Variants in ADARB2 observed in about 807,000 individuals in gnomAD.
ADARB2 encodes the protein adenosine deaminase RNA specific B2 (inactive).
A neutral mutation model predicts 62.2 loss-of-function variants in ADARB2; 25 were observed. That is an observed-to-expected ratio of 0.40 (90% confidence interval 0.29 to 0.56). The LOEUF is 0.56. Ranked by LOEUF, ADARB2 falls within the 20% of genes least tolerant of loss-of-function variation. The probability of loss-of-function intolerance (pLI) is 0.43; values close to 1 mark genes in which losing one functional copy is unlikely to be tolerated. For synonymous variants in ADARB2, 572 were observed against 500.8 expected (o/e 1.14, Z -1.90); for missense variants, 1,071 against 1,077.4 (o/e 0.99, Z 0.08).
intron 1 of ADARB2, among the ~76,000 whole-genome samples, chr10:1,606,587 C>T (rs1433924528): frequency 6.6e-6 from 1 of 152,136 alleles, no homozygotes; most frequent in Non-Finnish European, 1.5e-5. Flanking sequence ...GCTAGAGTCC[C>T]ACAGGTGGTC....
intron 1 of ADARB2, among the ~76,000 whole-genome samples, chr10:1,602,958 GCACACA>G (rs146661194): frequency 6.0e-5 from 9 of 150,242 alleles, no homozygotes; most frequent in African/African-American, 2.2e-4. Flanking sequence ...GTACACACAT[GCACACA>G]CAGACACACA....
At chr10:1,383,709 G>T (rs1441689664) in intron 1 of ADARB2, among the ~76,000 whole-genome samples, 48 of 152,248 alleles carry the variant, frequency 3.2e-4, no homozygotes, top group Admixed American at 2.3e-3. Flanking sequence ...CTTTCTTGAT[G>T]TATTTATTCT....
At chr10:1,278,228 C>T (rs748083461) in intron 3 of ADARB2, among the ~76,000 whole-genome samples, 22 of 152,012 alleles carry the variant, frequency 1.4e-4, no homozygotes, top group Non-Finnish European at 2.6e-4. Context: ...GATCCTCCCG[C>T]CTTGGCCTCC....
intron 4 of ADARB2, among the ~76,000 whole-genome samples, chr10:1,246,982 ATTTG>A (rs1357074209): frequency 6.6e-6 from 1 of 152,050 alleles, no homozygotes; most frequent in East Asian, 1.9e-4. Context: ...ATGTTCTTCC[ATTTG>A]TTTGTATCCT....
In ADARB2 at chr10:1,399,334, G is replaced by A. The variant is rs376983815; in HGVS notation, c.101-20174C>T. On this transcript the variant is annotated intron_variant, in intron 1 of 9. Coordinates refer to ENST00000381312, the MANE Select transcript of ADARB2 (RefSeq NM_018702.4). ...TGAAGAGGGATGGTGTTTTGGGCCC[G>A]TGATGGGTGACGCCACCCCAGATTT... 1.4e-3 allele frequency among the ~76,000 whole-genome samples: 208 copies of A among 152,310 alleles called. 2 individuals are homozygous for A. In the South Asian group the frequency reaches 0.041, roughly 30 times the overall value.
At chr10:1,302,251 CAAAG>C (rs999788271) in intron 3 of ADARB2, among the ~76,000 whole-genome samples, 1 of 152,342 alleles carries the variant, frequency 6.6e-6, no homozygotes, top group Admixed American at 6.5e-5. Flanking sequence ...CTTTCCTAAT[CAAAG>C]AAAGGGGTGA....
chr10:1,510,156 CTTTCTTTCTTTCTT>C (rs1439854329), intron 1 of ADARB2, among the ~76,000 whole-genome samples: 18 of 109,152 alleles, frequency 1.6e-4, no homozygotes, highest in African/African-American at 3.8e-4. Context: ...TTCTTTCTTT[CTTTCTTTCTTTCTT>C]TTTCTTTCTT....
At chr10:1,233,557 A>T in intron 6 of ADARB2, 137 bp downstream of exon 6, 1 of 911,538 alleles carries the variant, frequency 1.1e-6, no homozygotes, top group Non-Finnish European at 1.6e-6. Context: ...CACTAATTGT[A>T]GACTCAATCC....
intron 3 of ADARB2, among the ~76,000 whole-genome samples, chr10:1,272,397 T>C (rs1488441891): frequency 2.0e-5 from 3 of 152,244 alleles, no homozygotes; most frequent in Admixed American, 6.5e-5. Flanking sequence ...ATCCCACTTG[T>C]AGGCAATAAA....
intron 1 of ADARB2, among the ~76,000 whole-genome samples, chr10:1,544,553 T>C (rs1832490171): frequency 6.6e-6 from 1 of 151,958 alleles, no homozygotes. Flanking sequence ...AAGGCTCTGT[T>C]GGGGCCGGGC....
chr10:1,535,335 T>C (rs1215871229), intron 1 of ADARB2, among the ~76,000 whole-genome samples: 1 of 152,026 alleles, frequency 6.6e-6, no homozygotes, highest in Middle Eastern at 3.2e-3. Context: ...CGGAGTGGAA[T>C]GAAATGAGCA....
At chr10:1,193,520 T>A (rs1836869487) in intron 8 of ADARB2, among the ~76,000 whole-genome samples, 1 of 152,228 alleles carries the variant, frequency 6.6e-6, no homozygotes, top group Non-Finnish European at 1.5e-5. Context: ...TGTAGTAATA[T>A]GCCAGGTTTC....
intron 6 of ADARB2, among the ~76,000 whole-genome samples, chr10:1,217,936 C>G (rs912438880): frequency 2.0e-5 from 3 of 152,120 alleles, no homozygotes; most frequent in African/African-American, 7.2e-5. Context: ...TTCTAGGGTC[C>G]CCTTGACACC....
chr10:1,245,403 T>C (rs890449271), intron 4 of ADARB2, among the ~76,000 whole-genome samples: 3 of 152,210 alleles, frequency 2.0e-5, no homozygotes, highest in Non-Finnish European at 4.4e-5. Flanking sequence ...TAGTTACATA[T>C]GTATACATGT....
At chr10:1,444,347 A>ACCCAT (rs1425450565) in intron 1 of ADARB2, among the ~76,000 whole-genome samples, 3 of 3,738 alleles carry the variant, frequency 8.0e-4, no homozygotes, top group Admixed American at 2.5e-3. Context: ...CCATCCACTC[A>ACCCAT]CCCATCCACT....
chr10:1,198,943 C>G (rs1282949595), intron 8 of ADARB2, among the ~76,000 whole-genome samples: 1 of 152,184 alleles, frequency 6.6e-6, no homozygotes, highest in Non-Finnish European at 1.5e-5. Context: ...TTGTGCTGCG[C>G]AAGCTTAAAT....
At chr10:1,417,684 C>T (rs1260813324) in intron 1 of ADARB2, among the ~76,000 whole-genome samples, 1 of 152,324 alleles carries the variant, frequency 6.6e-6, no homozygotes, top group Admixed American at 6.5e-5. Context: ...CCCCACTCTT[C>T]ACTCCTGTGC....
intron 8 of ADARB2, among the ~76,000 whole-genome samples, chr10:1,187,428 A>G (rs1462545499): frequency 6.6e-6 from 1 of 151,724 alleles, no homozygotes. Context: ...TCCTGCTCCC[A>G]TCCTTCTGGT....
chr10:1,704,942 C>G lies in ADARB2; in HGVS notation c.100+32109G>C, dbSNP rs755044867. Among the ~76,000 whole-genome samples the G allele has an allele frequency of 6.6e-6, 1 of 152,038 alleles. No individual in the cohort carries two copies. Among genetic ancestry groups the G allele is most frequent in the Non-Finnish European group, 1.5e-5 (1 of 68,018 alleles). ...CCATGAGGGCGTGGGCACCACCCAG[C>G]CATGAGTCTCAGAGGCAATAACCCC... On this transcript the variant is annotated intron_variant, in intron 1 of 9. Transcript: ENST00000381312. The surrounding 1 kb of genome is among the most constrained non-coding windows in gnomAD (Gnocchi z 5.6).
Sources: allele counts gnomAD v4.1 joint callset (sites outside exome capture counted in the v4.1 genomes callset), GRCh38; gene constraint gnomAD v4.1.1; non-coding constraint Gnocchi (gnomAD v3.1); transcripts MANE v1.5; gene names NCBI Gene and HGNC (gene_info 2026-07-23, HGNC 2026-07-21).